Variants in MDFIC observed in about 807,000 individuals in gnomAD.
MDFIC encodes myoD family inhibitor domain-containing protein.
MDFIC carries 17 observed loss-of-function variants against 23.2 expected under a neutral mutation model. That is an observed-to-expected ratio of 0.73 (90% CI 0.50 to 1.10). The LOEUF is 1.10. Ranked by LOEUF, MDFIC falls within the 50% of genes least tolerant of loss-of-function variation. The pLI, the probability that MDFIC is intolerant of heterozygous loss-of-function variation, is 0.00. For missense variants in MDFIC, 356 were observed against 316.6 expected, an observed-to-expected ratio of 1.12 and a Z score of -0.95; for synonymous variants, 120 against 115.2, an observed-to-expected ratio of 1.04 and a Z score of -0.27.
chr7:114,972,848 G>T (rs1352429274), intron 3 of MDFIC, among the ~76,000 whole-genome samples: 1 of 151,910 alleles, frequency 6.6e-6, no homozygotes, highest in Non-Finnish European at 1.5e-5. Flanking sequence ...AAACTCCTGG[G>T]CTCAAGTGAT....
chr7:114,957,268 A>AT (rs368970549), intron 3 of MDFIC, among the ~76,000 whole-genome samples: 5 of 152,008 alleles, frequency 3.3e-5, no homozygotes, highest in Non-Finnish European at 5.9e-5. Flanking sequence ...GATTTTGCCT[A>AT]TTTTTTTCTG....
intron 3 of MDFIC, among the ~76,000 whole-genome samples, chr7:114,950,424 G>C (rs1185626597): frequency 6.6e-6 from 1 of 152,144 alleles, no homozygotes; most frequent in Non-Finnish European, 1.5e-5. Flanking sequence ...GTCCAAAGAG[G>C]GTGTGAAGTG....
intron 3 of MDFIC, among the ~76,000 whole-genome samples, chr7:114,965,389 T>G (rs1793076242): frequency 6.6e-6 from 1 of 152,126 alleles, no homozygotes; most frequent in South Asian, 2.1e-4. Flanking sequence ...ACACATTTTG[T>G]TTTTGGTTTT....
chr7:114,945,311 T>C (rs1392183558), intron 3 of MDFIC, among the ~76,000 whole-genome samples: 1 of 152,244 alleles, frequency 6.6e-6, no homozygotes, highest in East Asian at 1.9e-4. Flanking sequence ...TTGGAAATTG[T>C]ATTCTAATTA....
At chr7:114,992,391 A>G (rs1471384097) in intron 4 of MDFIC, among the ~76,000 whole-genome samples, 1 of 152,074 alleles carries the variant, frequency 6.6e-6, no homozygotes, top group African/African-American at 2.4e-5. Flanking sequence ...ACTATGTTGA[A>G]TAGGAGTGGT....
chr7:114,971,954 AAC>A (rs760280953), intron 3 of MDFIC, among the ~76,000 whole-genome samples: 10 of 152,322 alleles, frequency 6.6e-5, no homozygotes, highest in South Asian at 2.1e-4. Context: ...AAAAGTTAAT[AAC>A]ACAGAATAAA....
chr7:115,014,448 A>G (rs1245776538), intron 4 of MDFIC: 2 of 1,289,692 alleles, frequency 1.6e-6, no homozygotes, highest in Non-Finnish European at 2.0e-6. Flanking sequence ...TCTTTCCTAC[A>G]TCTTTGGTTT....
In MDFIC at chr7:114,989,089, G is replaced by A. The variant is rs577055306; in HGVS notation, c.493+9308G>A. ...GCCATACTGATAAAATAGCCTAGAG[G>A]AGAGGTCACAGTGCAAAGAAAAGAG... On this transcript the variant is annotated intron_variant, in intron 4 of 4. Transcript: ENST00000393486. Among the ~76,000 whole-genome samples the A allele has an allele frequency of 4.6e-5, 7 of 152,276 alleles. No individual in the cohort carries two copies. In the East Asian group the frequency reaches 1.4e-3, roughly 29 times the overall value.
chr7:114,967,719 C>T (rs1412261676), intron 3 of MDFIC, among the ~76,000 whole-genome samples: 1 of 151,870 alleles, frequency 6.6e-6, no homozygotes, highest in East Asian at 1.9e-4. Context: ...CGGTTTGCAG[C>T]CAATGTTACC....
chr7:115,007,630 G>GTGTATATA (rs369718965), intron 4 of MDFIC, among the ~76,000 whole-genome samples: 369 of 132,876 alleles, frequency 2.8e-3, no homozygotes, highest in African/African-American at 0.01. Context: ...GCGTGTGTGT[G>GTGTATATA]TATATATATA....
rs114424354 is a variant in MDFIC at position 114,960,625 on chromosome 7, G to A, written c.217+18228G>A. Among the ~76,000 whole-genome samples, 1,159 of 152,166 alleles carry A rather than the reference G, an allele frequency of 7.6e-3. 14 individuals carry two copies. The highest frequency in any genetic ancestry group is 0.027 in the African/African-American group (1,123 of 41,522). Reference sequence around the variant, plus strand: ...ATCTCAATCAGAAAAATATGCACAAGAATATTATAAGTACCAATGTCCCAG... The same window carrying A: ...ATCTCAATCAGAAAAATATGCACAAAAATATTATAAGTACCAATGTCCCAG... On this transcript the variant is annotated intron_variant, in intron 3 of 4. Transcript: ENST00000393486.
chr7:114,968,804 T>C (rs1256840733), intron 3 of MDFIC, among the ~76,000 whole-genome samples: 6 of 152,196 alleles, frequency 3.9e-5, no homozygotes, highest in Non-Finnish European at 5.9e-5. Flanking sequence ...TATTAAAGTT[T>C]TGGAAATGTA....
chr7:114,946,727 G>A lies in MDFIC; in HGVS notation c.217+4330G>A, dbSNP rs1052065678. Among the ~76,000 whole-genome samples, 5 of 152,102 alleles carry A rather than the reference G, an allele frequency of 3.3e-5. No homozygotes were observed. The East Asian group carries it at 5.8e-4, about 18-fold the overall frequency. ...GGCAGTAGAACGCAAGCTCTTCTCCGGCTCACACTTGCTCACCCTTATGGA... is the reference window on the plus strand; with the variant it reads ...GGCAGTAGAACGCAAGCTCTTCTCCAGCTCACACTTGCTCACCCTTATGGA... On this transcript the variant is annotated intron_variant, in intron 3 of 4. Transcript: ENST00000393486.
chr7:114,943,936 C>CA lies in MDFIC; in HGVS notation c.217+1545dup, dbSNP rs11377928. On this transcript the variant is annotated intron_variant, in intron 3 of 4. Transcript: ENST00000393486. Reference sequence around the variant, plus strand: ...ATAAGATTTCTTAGAACAACAGCAACAAAAAAGACAAACACTATTAAATAA... The same window carrying CA: ...ATAAGATTTCTTAGAACAACAGCAACAAAAAAAGACAAACACTATTAAATAA... Among the ~76,000 whole-genome samples, 1,217 of 151,948 alleles carry CA rather than the reference C, an allele frequency of 8.0e-3. 21 individuals are homozygous for CA. The highest frequency in any genetic ancestry group is 0.028 in the African/African-American group (1,148 of 41,472).
At chr7:114,960,732 G>C (rs1041556522) in intron 3 of MDFIC, among the ~76,000 whole-genome samples, 5 of 151,992 alleles carry the variant, frequency 3.3e-5, no homozygotes, top group Non-Finnish European at 7.4e-5. Flanking sequence ...AACATATTTT[G>C]TTCAACATGC....
chr7:114,931,320 G>A (rs2115705201), intron 2 of MDFIC, among the ~76,000 whole-genome samples: 1 of 152,260 alleles, frequency 6.6e-6, no homozygotes, highest in African/African-American at 2.4e-5. Flanking sequence ...GTCTACTTCT[G>A]TTTTCAGATT....
chr7:115,006,962 G>A (rs1156925622), intron 4 of MDFIC, among the ~76,000 whole-genome samples: 1 of 102,464 alleles, frequency 9.8e-6, no homozygotes, highest in Non-Finnish European at 2.1e-5. Flanking sequence ...AAAATAAATA[G>A]ATAATAATTG....
intron 4 of MDFIC, 77 bp downstream of exon 4, chr7:114,979,858 A>G (rs774811451): frequency 1.3e-6 from 2 of 1,504,750 alleles, no homozygotes; most frequent in Non-Finnish European, 1.8e-6. Flanking sequence ...GATCAAGCAT[A>G]TATAATTGAA....
intron 4 of MDFIC, among the ~76,000 whole-genome samples, chr7:115,007,437 A>G (rs1791590960): frequency 6.6e-6 from 1 of 151,828 alleles, no homozygotes; most frequent in Admixed American, 6.6e-5. Context: ...GAATGTAAAT[A>G]TTATTTGCAC....
Sources: gnomAD v4.1 joint callset for allele counts (sites outside exome capture counted in the v4.1 genomes callset) on GRCh38, gnomAD v4.1.1 for gene constraint, MANE v1.5 for transcripts, NCBI Gene and HGNC (gene_info 2026-07-23, HGNC 2026-07-21) for gene names.